The following SLC20A1 variants were observed in gnomAD, a reference collection of about 807,000 sequenced individuals.
SLC20A1 encodes sodium-dependent phosphate transporter 1.
SLC20A1 carries 28 observed loss-of-function variants against 62.7 expected under a neutral mutation model. The observed-to-expected ratio is 0.45, with a 90% CI of 0.33 to 0.61. The LOEUF (loss-of-function observed/expected upper bound fraction) is 0.61, where lower values mean the gene tolerates loss of function less well. Ranked by LOEUF, SLC20A1 falls within the 20% of genes least tolerant of loss-of-function variation. The probability of loss-of-function intolerance (pLI) is 0.02; values close to 1 mark genes in which losing one functional copy is unlikely to be tolerated. For synonymous variants in SLC20A1, 305 were observed against 302.9 expected (o/e 1.01, Z -0.07); for missense variants, 673 against 838.6 (o/e 0.80, Z 2.44).
chr2:112,657,071 G>T (rs751667022), intron 5 of SLC20A1, 51 bp from the exon 6 acceptor site: 3 of 1,611,886 alleles, frequency 1.9e-6, no homozygotes, highest in Non-Finnish European at 2.5e-6. Context: ...ACACAATATT[G>T]CAGGGGGCTG....
At chr2:112,651,324 C>T (rs185870781) in intron 4 of SLC20A1, among the ~76,000 whole-genome samples, 62 of 152,234 alleles carry the variant, frequency 4.1e-4, no homozygotes, top group Non-Finnish European at 7.8e-4. Flanking sequence ...GAATTGTGAT[C>T]AAGATAACAT....
chr2:112,660,526 G>T lies in SLC20A1; in HGVS notation c.1747G>T (p.Val583Phe). 6.2e-7 allele frequency: 1 copy of T among 1,614,186 alleles called. No individual in the cohort carries two copies. The highest frequency in any genetic ancestry group is 8.5e-7 in the Non-Finnish European group (1 of 1,180,024). The change falls in exon 9 of 11, where the codon GTT (valine) becomes TTT (phenylalanine). Residue 583 changes from valine (V) to phenylalanine (F), a missense_variant. By Grantham distance (50) the Val-to-Phe change is conservative (BLOSUM62 -1). Transcript: ENST00000272542. Reference sequence around the variant, plus strand: ...TGGTCTGTGGGTTTGGGGAAGAAGAGTTATCCAGACCATGGGGAAGGATCT... The same window carrying T: ...TGGTCTGTGGGTTTGGGGAAGAAGATTTATCCAGACCATGGGGAAGGATCT... ...CVGLWVWGRR[V>F]IQTMGKDLTP... is the part of the protein sequence containing the mutation.
intron 5 of SLC20A1, among the ~76,000 whole-genome samples, chr2:112,655,229 A>G (rs1467498503): frequency 6.6e-6 from 1 of 151,988 alleles, no homozygotes; most frequent in African/African-American, 2.4e-5. Flanking sequence ...TCAGCCTCCC[A>G]AAGTGCTGGG....
At chr2:112,658,669 T>C (rs994640121) in intron 6 of SLC20A1, 156 bp from the exon 7 acceptor site, 1 of 845,474 alleles carries the variant, frequency 1.2e-6, no homozygotes, top group African/African-American at 1.7e-5. Flanking sequence ...TGCTGGCAAA[T>C]GATAAAGCAG....
chr2:112,655,373 C>CT (rs1292807080), intron 5 of SLC20A1, among the ~76,000 whole-genome samples: 2 of 151,984 alleles, frequency 1.3e-5, no homozygotes, highest in Non-Finnish European at 2.9e-5. Context: ...AGTTATTTGA[C>CT]TTTTTGATGG....
At chr2:112,661,293 T>TC (rs1686742109) in intron 10 of SLC20A1, 67 bp downstream of exon 10, 6 of 1,209,790 alleles carry the variant, frequency 5.0e-6, no homozygotes, top group Middle Eastern at 1.9e-4. Context: ...TAGTTTTACT[T>TC]CTCTGATACT....
At position 112,657,220 on chromosome 2, in the gene SLC20A1, A is replaced by G; in HGVS notation, c.757A>G (p.Arg253Gly). Residue 253 changes from arginine to glycine, a missense_variant, in exon 6 of 11, where the codon AGG becomes GGG. Physicochemically the swap from Arg to Gly is moderately radical, Grantham distance 125. Transcript: ENST00000272542. The stretch of plus-strand genomic sequence containing the variant: ...TATCGTCTGGTTCTTTGTATGTCCC[A>G]GGATGAAGAGAAAAATTGAACGTAA... ...ALIVWFFVCP[R>G]MKRKIEREIK... The G allele has an allele frequency of 6.2e-7, 1 of 1,613,746 alleles. No individual in the cohort carries two copies. The highest frequency in any genetic ancestry group is 8.5e-7 in the Non-Finnish European group (1 of 1,179,868).
In SLC20A1 at chr2:112,647,368, A is replaced by G. The variant is rs746938555; in HGVS notation, c.379A>G (p.Ile127Val). 7 of 1,613,922 alleles carry G rather than the reference A, an allele frequency of 4.3e-6. No homozygotes were observed. The highest frequency in any genetic ancestry group is 1.6e-4 in the Middle Eastern group (1 of 6,062). The change falls in exon 3 of 11, where the codon ATT (isoleucine) becomes GTT (valine). Residue 127 changes from isoleucine (I) to valine (V), a missense_variant. By Grantham distance (29) the Ile-to-Val change is conservative. Transcript: ENST00000272542. Reference protein sequence around the residue: ...QLVASFLKLPISGTHCIVGAT... With the variant: ...QLVASFLKLPVSGTHCIVGAT... Reference sequence around the variant, plus strand: ...CGTGGCTTCGTTTTTGAAGCTCCCTATTTCTGGAACCCATTGTATTGTTGG... The same window carrying G: ...CGTGGCTTCGTTTTTGAAGCTCCCTGTTTCTGGAACCCATTGTATTGTTGG...
intron 5 of SLC20A1, among the ~76,000 whole-genome samples, chr2:112,655,523 GTTTTTT>G (rs35686702): frequency 3.9e-4 from 53 of 136,224 alleles, no homozygotes; most frequent in African/African-American, 1.2e-3. Flanking sequence ...TCTTTTATGG[GTTTTTT>G]TTTTTTTTTT....
chr2:112,660,421 G>T lies in SLC20A1; in HGVS notation c.1642G>T (p.Val548Phe). 6.2e-7 allele frequency: 1 copy of T among 1,614,076 alleles called. No individual in the cohort carries two copies. Reference protein sequence around the residue: ...AIGPLVALYLVYDTGDVSSKV... With the variant: ...AIGPLVALYLFYDTGDVSSKV... ...TGGGCCTCTGGTTGCTTTATATTTG[G>T]TTTATGACACAGGAGATGTTTCTTC... The change falls in exon 9 of 11, where the codon GTT (valine) becomes TTT (phenylalanine). Residue 548 changes from valine (V) to phenylalanine (F), a missense_variant. Physicochemically the swap from Val to Phe is conservative, Grantham distance 50. Coordinates refer to ENST00000272542, the MANE Select transcript of SLC20A1 (RefSeq NM_005415.5).
chr2:112,652,323 T>A (rs1686464697), intron 4 of SLC20A1: 2 of 210,798 alleles, frequency 9.5e-6, no homozygotes, highest in South Asian at 2.0e-4. Flanking sequence ...GTAAGCAACA[T>A]CCTAACATAG....
chr2:112,659,111 G>T lies in SLC20A1; in HGVS notation c.1048+17G>T. 1 of 1,609,854 alleles carries T rather than the reference G, an allele frequency of 6.2e-7. No homozygotes were observed. The highest frequency in any genetic ancestry group is 8.5e-7 in the Non-Finnish European group (1 of 1,177,380). ...CCGTGAATGGTGAGTTGGAATTCCT[G>T]GTTTCACTTTTGTTACCTGCAGTGG... On this transcript the variant is annotated intron_variant, in intron 7 of 10. Coordinates refer to ENST00000272542, the MANE Select transcript of SLC20A1 (RefSeq NM_005415.5).
intron 5 of SLC20A1, among the ~76,000 whole-genome samples, chr2:112,656,393 G>T (rs1686587450): frequency 6.6e-6 from 1 of 151,662 alleles, no homozygotes; most frequent in Non-Finnish European, 1.5e-5. Context: ...TAGAGATGGG[G>T]TTTTGCCATG....
chr2:112,660,454 G>C lies in SLC20A1; in HGVS notation c.1675G>C (p.Ala559Pro), dbSNP rs377665017. 5 of 1,614,146 alleles carry C rather than the reference G, an allele frequency of 3.1e-6. No individual in the cohort carries two copies. The South Asian group carries it at 4.4e-5, about 14-fold the overall frequency. The change falls in exon 9 of 11, where the codon GCA becomes CCA. Residue 559 changes from alanine to proline, a missense_variant. Ala to Pro is a conservative substitution (Grantham distance 27, BLOSUM62 -1). Coordinates refer to ENST00000272542, the MANE Select transcript of SLC20A1 (RefSeq NM_005415.5). ...CACAGGAGATGTTTCTTCAAAAGTG[G>C]CAACACCAATATGGCTTCTACTCTA... Reference protein sequence around the residue: ...YDTGDVSSKVATPIWLLLYGG... With the variant: ...YDTGDVSSKVPTPIWLLLYGG...
chr2:112,646,788 CGCTCAGTA>C lies in SLC20A1; in HGVS notation c.-39_-32del. 1 of 1,394,992 alleles carries C rather than the reference CGCTCAGTA, an allele frequency of 7.2e-7. No homozygotes were observed. The highest frequency in any genetic ancestry group is 1.4e-5 in the African/African-American group (1 of 69,536). 86.4% of individuals were successfully genotyped at this position (1,394,992 alleles called of 1,614,324 possible). On this transcript the variant is annotated 5_prime_UTR_variant, in exon 2 of 11. Coordinates refer to ENST00000272542, the MANE Select transcript of SLC20A1 (RefSeq NM_005415.5). ...TATTCTGTTTACACATCTTGAAAGG[CGCTCAGTA>C]GTTCTCTTACTAAACAACCACTACT...
At position 112,657,221 on chromosome 2, in the gene SLC20A1, G is replaced by A; in HGVS notation, c.758G>A (p.Arg253Lys). 8 of 1,613,418 alleles carry A rather than the reference G, an allele frequency of 5.0e-6. No homozygotes were observed. Among genetic ancestry groups the A allele is most frequent in the Non-Finnish European group, 6.8e-6 (8 of 1,179,778 alleles). The change falls in exon 6 of 11, where the codon AGG (arginine) becomes AAG (lysine). Residue 253 changes from arginine (R) to lysine (K), a missense_variant. Physicochemically the swap from Arg to Lys is conservative, Grantham distance 26. Coordinates refer to ENST00000272542, the MANE Select transcript of SLC20A1 (RefSeq NM_005415.5). The stretch of plus-strand genomic sequence containing the variant: ...ATCGTCTGGTTCTTTGTATGTCCCA[G>A]GATGAAGAGAAAAATTGAACGTAAG... ...ALIVWFFVCPRMKRKIEREIK... is the reference protein window; with the variant it reads ...ALIVWFFVCPKMKRKIEREIK...
At position 112,663,134 on chromosome 2, in the gene SLC20A1, T is replaced by G. The variant is rs1686796024; in HGVS notation, c.*109T>G. 1.5e-6 allele frequency: 2 copies of G among 1,294,202 alleles called. No homozygotes were observed. The highest frequency in any genetic ancestry group is 2.2e-6 in the Non-Finnish European group (2 of 889,872). 80.2% of individuals were successfully genotyped at this position (1,294,202 alleles called of 1,614,324 possible). ...CAGAAGACTGACAAGAGTCTTTTTA[T>G]TTGGGAGCCAGAGGAGGGAAGTGTT... is the stretch of plus-strand genomic sequence containing the variant. On this transcript the variant is annotated 3_prime_UTR_variant, in exon 11 of 11. Coordinates refer to ENST00000272542, the MANE Select transcript of SLC20A1 (RefSeq NM_005415.5).
At chr2:112,658,438 T>A (rs531645333) in intron 6 of SLC20A1, 1 of 165,142 alleles carries the variant, frequency 6.1e-6, no homozygotes, top group African/African-American at 2.4e-5. Flanking sequence ...ACAGTTCAGA[T>A]TTTTAGTTTC....
intron 6 of SLC20A1, chr2:112,658,559 A>G (rs988839144): frequency 2.6e-5 from 10 of 377,852 alleles, no homozygotes; most frequent in Admixed American, 4.3e-5. Context: ...CAAAACAACA[A>G]TGTGCTACAG....
Sources: gnomAD v4.1 joint callset for allele counts (sites outside exome capture counted in the v4.1 genomes callset) on GRCh38, gnomAD v4.1.1 for gene constraint, MANE v1.5 for transcripts, NCBI Gene and HGNC (gene_info 2026-07-23, HGNC 2026-07-21) for gene names.